LRP1B: variants seen among roughly 807,000 people sequenced by gnomAD.
LRP1B encodes low-density lipoprotein receptor-related protein 1B.
In LRP1B, 217 loss-of-function variants were observed where a neutral mutation model predicts 556.6. The ratio of observed to expected loss-of-function variants is 0.39; its 90% CI spans 0.35 to 0.44. The LOEUF (loss-of-function observed/expected upper bound fraction) is 0.44, where lower values mean the gene tolerates loss of function less well. Ranked by LOEUF, LRP1B falls within the 20% of genes least tolerant of loss-of-function variation. The pLI is 1.00. For missense variants in LRP1B, 5,053 were observed against 5,620.8 expected, an observed-to-expected ratio of 0.90 and a Z score of 3.23; for synonymous variants, 2,047 against 1,865.8, an observed-to-expected ratio of 1.10 and a Z score of -2.50.
chr2:140,859,090 G>A (rs1379063964), intron 27 of LRP1B, among the ~76,000 whole-genome samples: 1 of 152,088 alleles, frequency 6.6e-6, no homozygotes, highest in Admixed American at 6.5e-5. Flanking sequence ...AAAGTGCTGG[G>A]TTTACCAGTG....
At chr2:140,738,512 C>T (rs1688025937) in intron 35 of LRP1B, among the ~76,000 whole-genome samples, 2 of 152,140 alleles carry the variant, frequency 1.3e-5, no homozygotes, top group Non-Finnish European at 2.9e-5. Context: ...AAGGCCTCAG[C>T]TCCCACATTG....
intron 80 of LRP1B, among the ~76,000 whole-genome samples, chr2:140,325,166 AGAGAAAAAGTAT>A (rs1332468468): frequency 1.3e-5 from 2 of 152,088 alleles, no homozygotes; most frequent in Non-Finnish European, 2.9e-5. Flanking sequence ...ACAGCCAGGC[AGAGAAAAAGTAT>A]GAGGAAGAGA....
intron 41 of LRP1B, among the ~76,000 whole-genome samples, chr2:140,617,954 C>T (rs1261170678): frequency 6.6e-6 from 1 of 151,952 alleles, no homozygotes; most frequent in Non-Finnish European, 1.5e-5. Flanking sequence ...GAACTAAGTT[C>T]TGATTGCTGT....
Position 141,380,872 on chromosome 2 carries a change from G to A in LRP1B, c.343+99524C>T, listed in dbSNP as rs537000582. The stretch of plus-strand genomic sequence containing the variant: ...AGGACAAGTAAGATTGCAGATGGTG[G>A]TTAGGATAAGCTCAAAGGTGGGAGG... On this transcript the variant is annotated intron_variant, in intron 3 of 90. Coordinates refer to ENST00000389484, the MANE Select transcript of LRP1B (RefSeq NM_018557.3). Among the ~76,000 whole-genome samples, 12 of 152,250 alleles carry A rather than the reference G, an allele frequency of 7.9e-5. No individual in the cohort carries two copies. The South Asian group carries it at 1.7e-3, about 21-fold the overall frequency.
intron 1 of LRP1B, among the ~76,000 whole-genome samples, chr2:141,902,192 A>T (rs1227537688): frequency 1.3e-5 from 2 of 151,558 alleles, no homozygotes. Flanking sequence ...ATAATAATAA[A>T]AACTAAAAAT....
intron 71 of LRP1B, among the ~76,000 whole-genome samples, chr2:140,368,723 T>C (rs917867293): frequency 4.0e-5 from 6 of 151,874 alleles, no homozygotes; most frequent in Non-Finnish European, 8.8e-5. Flanking sequence ...TGTATCCTGA[T>C]TGGAAATGAA....
At chr2:141,482,352 T>C (rs1260125779) in intron 2 of LRP1B, among the ~76,000 whole-genome samples, 1 of 152,158 alleles carries the variant, frequency 6.6e-6, no homozygotes, top group Non-Finnish European at 1.5e-5. Flanking sequence ...CAGATTTCTC[T>C]GTAAATTTCA....
chr2:141,198,765 G>A lies in LRP1B; in HGVS notation c.851-10182C>T, dbSNP rs190253811. 2.0e-5 allele frequency among the ~76,000 whole-genome samples: 3 copies of A among 152,190 alleles called. No homozygotes were observed. The East Asian group carries it at 5.8e-4, about 29-fold the overall frequency. On this transcript the variant is annotated intron_variant, in intron 6 of 90. Transcript: ENST00000389484. The stretch of plus-strand genomic sequence containing the variant: ...TCCCTTCCCTACAGCAGAAAACATA[G>A]TTTACACAGAGGTGTCTTTTTCCCA...
intron 1 of LRP1B, among the ~76,000 whole-genome samples, chr2:141,845,396 G>T (rs369285026): frequency 6.6e-6 from 1 of 152,038 alleles, no homozygotes; most frequent in African/African-American, 2.4e-5. Context: ...TATCAAATAC[G>T]TTTCCAGTTT....
chr2:141,969,842 A>G (rs1383477850), intron 1 of LRP1B, among the ~76,000 whole-genome samples: 1 of 151,524 alleles, frequency 6.6e-6, no homozygotes, highest in Non-Finnish European at 1.5e-5. Context: ...ATTTTTAGGA[A>G]CCTGCATACA....
At chr2:141,036,542 C>A (rs546109841) in intron 11 of LRP1B, among the ~76,000 whole-genome samples, 14 of 152,156 alleles carry the variant, frequency 9.2e-5, no homozygotes, top group South Asian at 8.3e-4. Context: ...AAATAATCTG[C>A]CTCTAGAAAA....
At chr2:140,825,477 C>T (rs1305013356) in intron 31 of LRP1B, among the ~76,000 whole-genome samples, 1 of 151,814 alleles carries the variant, frequency 6.6e-6, no homozygotes, top group Non-Finnish European at 1.5e-5. Context: ...TACAAACCAA[C>T]ATGTGGATCT....
In LRP1B at chr2:140,673,433, T is replaced by G. The variant is rs545995557; in HGVS notation, c.6799+26817A>C. 1.1e-4 allele frequency among the ~76,000 whole-genome samples: 16 copies of G among 152,336 alleles called. No homozygotes were observed. In the South Asian group the frequency reaches 3.3e-3, roughly 32 times the overall value. ...CTCATCAATATTCTTCATGTCCACA[T>G]TTCTAATGACAGCTTATTTATAATG... On this transcript the variant is annotated intron_variant, in intron 41 of 90. Coordinates refer to ENST00000389484, the MANE Select transcript of LRP1B (RefSeq NM_018557.3).
intron 2 of LRP1B, among the ~76,000 whole-genome samples, chr2:141,582,306 C>T (rs562849616): frequency 6.6e-6 from 1 of 152,272 alleles, no homozygotes; most frequent in African/African-American, 2.4e-5. Flanking sequence ...AGAATTAAAG[C>T]AAACTGAAGA....
At chr2:140,653,431 G>A (rs1351113677) in intron 41 of LRP1B, among the ~76,000 whole-genome samples, 2 of 151,878 alleles carry the variant, frequency 1.3e-5, no homozygotes, top group African/African-American at 4.8e-5. Flanking sequence ...AATCCGTGGA[G>A]ACTAGAAAGT....
chr2:140,771,779 CTTTT>C (rs764748495), intron 33 of LRP1B, among the ~76,000 whole-genome samples: 1 of 152,122 alleles, frequency 6.6e-6, no homozygotes, highest in Admixed American at 6.6e-5. Context: ...ATTTTTACAT[CTTTT>C]TTTATTATTC....
intron 31 of LRP1B, among the ~76,000 whole-genome samples, chr2:140,832,785 C>T (rs1691762189): frequency 6.6e-6 from 1 of 151,806 alleles, no homozygotes; most frequent in Non-Finnish European, 1.5e-5. Context: ...ACAATCGGTA[C>T]AAAAGTACAG....
intron 1 of LRP1B, among the ~76,000 whole-genome samples, chr2:141,923,403 C>CTATATATGTATATATA (rs1553485447): frequency 9.8e-6 from 1 of 102,110 alleles, no homozygotes; most frequent in African/African-American, 4.0e-5. Context: ...ATCTCTGTCA[C>CTATATATGTATATATA]TATATATATA....
chr2:141,102,416 C>G (rs1198818153), intron 7 of LRP1B, among the ~76,000 whole-genome samples: 1 of 152,028 alleles, frequency 6.6e-6, no homozygotes, highest in Non-Finnish European at 1.5e-5. Context: ...TCACTGGGAA[C>G]AGAGCAAATT....
Sources: gnomAD v4.1 joint callset for allele counts (sites outside exome capture counted in the v4.1 genomes callset) on GRCh38, gnomAD v4.1.1 for gene constraint, MANE v1.5 for transcripts, NCBI Gene and HGNC (gene_info 2026-07-23, HGNC 2026-07-21) for gene names.